C5orf47: variants seen among roughly 807,000 people sequenced by gnomAD.
The protein encoded by C5orf47 is uncharacterized protein C5orf47.
A neutral mutation model predicts 20.6 loss-of-function variants in C5orf47; 20 were observed. The observed-to-expected ratio is 0.97, with a 90% CI of 0.68 to 1.41. The LOEUF is 1.41. Among genes scored for constraint, C5orf47 ranks in the 40% most tolerant of loss-of-function variants. The pLI is 0.00. For missense variants in C5orf47, 262 were observed against 238.4 expected (o/e 1.10, Z -0.65); for synonymous variants, 106 against 97.3 (o/e 1.09, Z -0.53).
Position 173,990,520 on chromosome 5 carries a change from C to T in C5orf47, c.325+932C>T, listed in dbSNP as rs117910917. Among the ~76,000 whole-genome samples, 1,273 of 152,190 alleles carry T rather than the reference C, an allele frequency of 8.4e-3. 10 individuals are homozygous for T. The highest frequency in any genetic ancestry group is 0.043 in the East Asian group (222 of 5,178). On this transcript the variant is annotated intron_variant, in intron 1 of 4. Coordinates refer to ENST00000340147, the MANE Select transcript of C5orf47 (RefSeq NM_001144954.2). ...CGTGATCTTGGGTCACTGCAACCTA[C>T]GCTCCCCTGGTTCAAGCGATTCTCC...
downstream of C5orf47, among the ~76,000 whole-genome samples, chr5:174,007,564 T>TTTC (rs1554098495): frequency 6.6e-6 from 1 of 151,552 alleles, no homozygotes; most frequent in Non-Finnish European, 1.5e-5. Context: ...CCTACCTTTT[T>TTTC]TTTTTTTTTT....
rs999692162 is a variant in C5orf47, at chr5:173,999,805, T to G, written c.511+6T>G. 1 of 1,441,872 alleles carries G rather than the reference T, an allele frequency of 6.9e-7. No homozygotes were observed. The highest frequency in any genetic ancestry group is 2.1e-5 in the Admixed American group (1 of 47,010). The allele number at this position is 1,441,872 out of a possible 1,614,324, so 89.3% of individuals were successfully genotyped here. On this transcript the variant is annotated splice_donor_region_variant and intron_variant, in intron 3 of 4. Transcript: ENST00000340147. ...CCAAAGGTTATCTAGTGAAAGTAAG[T>G]TAACACAATTTTTATTGTATTAAAA...
intron 4 of C5orf47, among the ~76,000 whole-genome samples, chr5:174,002,241 A>G (rs1581197867): frequency 6.6e-6 from 1 of 152,254 alleles, no homozygotes; most frequent in East Asian, 1.9e-4. Flanking sequence ...AATTGCAGCC[A>G]TGAGTCACTG....
At chr5:174,006,763 G>A (rs1483245564), downstream of C5orf47, among the ~76,000 whole-genome samples, 3 of 152,166 alleles carry the variant, frequency 2.0e-5, no homozygotes, top group Non-Finnish European at 4.4e-5. Flanking sequence ...GTATGCTGCT[G>A]CAGTAGTATT....
chr5:173,989,859 C>G (rs1259737674), intron 1 of C5orf47, among the ~76,000 whole-genome samples: 1 of 152,210 alleles, frequency 6.6e-6, no homozygotes, highest in African/African-American at 2.4e-5. Context: ...CTGCGTGTTT[C>G]CGTTCCAGCT....
intron 4 of C5orf47, among the ~76,000 whole-genome samples, chr5:174,003,381 T>TC (rs1759232237): frequency 6.6e-6 from 1 of 152,058 alleles, no homozygotes; most frequent in Non-Finnish European, 1.5e-5. Context: ...AGATAGATGA[T>TC]CAGGTATGGG....
chr5:174,005,797 CTGTTT>C lies in C5orf47; in HGVS notation c.*1545_*1549del, dbSNP rs1759282496. 6.6e-6 allele frequency: 1 copy of C among 152,186 alleles called. No homozygotes were observed. The highest frequency in any genetic ancestry group is 2.1e-4 in the South Asian group (1 of 4,822). 9.4% of individuals were successfully genotyped at this position (152,186 alleles called of 1,614,324 possible). On this transcript the variant is annotated 3_prime_UTR_variant, in exon 5 of 5. Coordinates refer to ENST00000340147, the MANE Select transcript of C5orf47 (RefSeq NM_001144954.2). The stretch of plus-strand genomic sequence containing the variant: ...GACTTATACAACTTGACATAGTAGT[CTGTTT>C]TAATTTATTAGGTATATCAATATTT...
chr5:174,006,987 C>T (rs1231732149), downstream of C5orf47, among the ~76,000 whole-genome samples: 1 of 152,108 alleles, frequency 6.6e-6, no homozygotes, highest in Non-Finnish European at 1.5e-5. Flanking sequence ...CCAAGACAGG[C>T]CTCAAAGGTT....
chr5:173,999,025 T>C (rs1450191430), intron 2 of C5orf47, among the ~76,000 whole-genome samples: 4 of 152,190 alleles, frequency 2.6e-5, no homozygotes, highest in Non-Finnish European at 5.9e-5. Context: ...AGAGCAATAA[T>C]CAATACTTCC....
Position 173,989,255 on chromosome 5 carries a change from G to A in C5orf47, c.-9G>A, listed in dbSNP as rs1024962412. ...GCTGAGGGCCCGGCTGCCGTTGACT[G>A]AGGCTGCGATGGCGGCGGCAGGCCG... On this transcript the variant is annotated 5_prime_UTR_variant, in exon 1 of 5. Transcript: ENST00000340147. 12 of 1,382,654 alleles carry A rather than the reference G, an allele frequency of 8.7e-6. No homozygotes were observed. The East Asian group carries it at 3.2e-4, about 37-fold the overall frequency. 85.6% of individuals were successfully genotyped at this position (1,382,654 alleles called of 1,614,324 possible). A position where few individuals can be genotyped will look rare whatever the true frequency, so the allele number is the denominator to read the frequency against.
chr5:173,999,898 C>T (rs1361715415), intron 3 of C5orf47, 99 bp downstream of exon 3: 2 of 616,044 alleles, frequency 3.2e-6, no homozygotes, highest in Non-Finnish European at 5.7e-6. Flanking sequence ...TTAATTGTCA[C>T]ATTCAATATA....
At chr5:174,006,648 T>C (rs1379884144), downstream of C5orf47, among the ~76,000 whole-genome samples, 1 of 152,160 alleles carries the variant, frequency 6.6e-6, no homozygotes, top group African/African-American at 2.4e-5. Context: ...GTCTTGAGTT[T>C]AGGAGCGGGT....
In C5orf47 at chr5:174,006,082, C is replaced by G. The variant is rs1759288589; in HGVS notation, c.*1828C>G. On this transcript the variant is annotated 3_prime_UTR_variant, in exon 5 of 5. Transcript: ENST00000340147. ...TGCAATACTTTAACTTATTTCTGTT[C>G]CATAATTTCAGTAGGGGCTAATGAC... is the stretch of plus-strand genomic sequence containing the variant. 1 of 152,324 alleles carries G rather than the reference C, an allele frequency of 6.6e-6. No individual in the cohort carries two copies. Among genetic ancestry groups the G allele is most frequent in the Non-Finnish European group, 1.5e-5 (1 of 68,034 alleles). 9.4% of individuals were successfully genotyped at this position (152,324 alleles called of 1,614,324 possible).
chr5:174,001,117 C>G lies in C5orf47; in HGVS notation c.512-79C>G, dbSNP rs1759188603. 3.6e-6 allele frequency: 3 copies of G among 839,272 alleles called. No individual in the cohort carries two copies. In the South Asian group the frequency reaches 4.8e-5, roughly 13 times the overall value. The allele number at this position is 839,272 out of a possible 1,614,324, so 52.0% of individuals were successfully genotyped here. ...TTAAAAATGTATTATAACTTGTATT[C>G]CATAATGTATATTTATTAATGGGAA... On this transcript the variant is annotated intron_variant, in intron 3 of 4. Coordinates refer to ENST00000340147, the MANE Select transcript of C5orf47 (RefSeq NM_001144954.2).
At chr5:174,008,277 C>T (rs79564137), downstream of C5orf47, among the ~76,000 whole-genome samples, 2,614 of 152,198 alleles carry the variant, frequency 0.017, 31 homozygotes, top group South Asian at 0.025. Flanking sequence ...AATATTGATC[C>T]GGCCCATATA....
chr5:174,006,425 TATC>T (rs1022948478), downstream of C5orf47, among the ~76,000 whole-genome samples: 7 of 152,112 alleles, frequency 4.6e-5, no homozygotes, highest in Admixed American at 4.6e-4. Context: ...TACTTCAAAA[TATC>T]ATTCAGCCAT....
At chr5:174,009,108 G>C (rs1283120233), downstream of C5orf47, among the ~76,000 whole-genome samples, 6 of 152,098 alleles carry the variant, frequency 3.9e-5, no homozygotes, top group South Asian at 2.1e-4. Context: ...GGTTGCACTA[G>C]CTAGAAATGC....
chr5:173,990,717 C>T (rs1420992735), intron 1 of C5orf47, among the ~76,000 whole-genome samples: 4 of 152,160 alleles, frequency 2.6e-5, no homozygotes, highest in African/African-American at 9.7e-5. Context: ...GGATTACAGG[C>T]GTGAGCCACC....
At chr5:174,002,116 G>A (rs140260006) in intron 4 of C5orf47, among the ~76,000 whole-genome samples, 1 of 151,842 alleles carries the variant, frequency 6.6e-6, no homozygotes, top group Non-Finnish European at 1.5e-5. Flanking sequence ...GCACCACCAT[G>A]CCTGGCTAGT....
Sources: gnomAD v4.1 joint callset for allele counts (sites outside exome capture counted in the v4.1 genomes callset) on GRCh38, gnomAD v4.1.1 for gene constraint, MANE v1.5 for transcripts, NCBI Gene and HGNC (gene_info 2026-07-23, HGNC 2026-07-21) for gene names.